TRIM2: variants seen among roughly 807,000 people sequenced by gnomAD.
The protein encoded by TRIM2 is tripartite motif-containing protein 2.
Under a neutral mutation model 75.2 loss-of-function variants are expected in TRIM2, and 20 were observed. The observed-to-expected ratio is 0.27, with a 90% CI of 0.19 to 0.39. The LOEUF is 0.39. Among genes scored for constraint, TRIM2 ranks in the 10% least tolerant of loss-of-function variants. The probability of loss-of-function intolerance (pLI) is 1.00; values close to 1 mark genes in which losing one functional copy is unlikely to be tolerated. For missense variants in TRIM2, 660 were observed against 990.8 expected (o/e 0.67, Z 4.48); for synonymous variants, 373 against 388.3 (o/e 0.96, Z 0.46).
chr4:153,187,673 G>C (rs1395945975), intron 1 of TRIM2, among the ~76,000 whole-genome samples: 3 of 152,162 alleles, frequency 2.0e-5, no homozygotes, highest in Non-Finnish European at 4.4e-5. Context: ...ACAGAGCCTC[G>C]CCCAGGTGGG....
intron 3 of TRIM2, among the ~76,000 whole-genome samples, chr4:153,278,060 A>G (rs910438000): frequency 6.6e-6 from 1 of 152,184 alleles, no homozygotes; most frequent in African/African-American, 2.4e-5. Flanking sequence ...ATAGAGGAGT[A>G]AAGTCTTAGA....
At chr4:153,296,251 C>A (rs1412037212) in intron 6 of TRIM2, among the ~76,000 whole-genome samples, 6 of 152,190 alleles carry the variant, frequency 3.9e-5, no homozygotes, top group Non-Finnish European at 7.4e-5. Context: ...AGTCTCCTCC[C>A]TACTCCCTCC....
intron 1 of TRIM2, among the ~76,000 whole-genome samples, chr4:153,241,056 G>A (rs1442608226): frequency 6.6e-6 from 1 of 152,202 alleles, no homozygotes; most frequent in Admixed American, 6.5e-5. Context: ...CAGCCTGAGT[G>A]ACAGAGCGAG....
intron 1 of TRIM2, among the ~76,000 whole-genome samples, chr4:153,263,182 A>G (rs1181442515): frequency 6.6e-6 from 1 of 152,172 alleles, no homozygotes; most frequent in Non-Finnish European, 1.5e-5. Flanking sequence ...TACAAAAATT[A>G]GCTGGGTGTG....
At chr4:153,190,357 A>C (rs1424302189) in intron 1 of TRIM2, among the ~76,000 whole-genome samples, 1 of 152,242 alleles carries the variant, frequency 6.6e-6, no homozygotes, top group Admixed American at 6.5e-5. Context: ...AGTGCCATTC[A>C]TTACAGTAAG....
intron 1 of TRIM2, among the ~76,000 whole-genome samples, chr4:153,180,675 G>A (rs1387592561): frequency 6.6e-6 from 1 of 152,052 alleles, no homozygotes; most frequent in Admixed American, 6.6e-5. Flanking sequence ...AGGGTGTTTC[G>A]CCATGTTGGC....
Position 153,197,435 on chromosome 4 carries a change from G to A in TRIM2, c.-49+44165G>A, listed in dbSNP as rs1733890873. ...GCTCCCCTCTTTATCAAGCCATGCT[G>A]CCTGTGCATCTGCTATGGACTCGAT... On this transcript the variant is annotated intron_variant, in intron 1 of 11. Transcript: ENST00000437508. 2.6e-5 allele frequency among the ~76,000 whole-genome samples: 4 copies of A among 152,300 alleles called. No homozygotes were observed. In the South Asian group the frequency reaches 8.3e-4, roughly 32 times the overall value.
intron 4 of TRIM2, 78 bp downstream of exon 4, chr4:153,293,211 A>G: frequency 7.1e-7 from 1 of 1,405,510 alleles, no homozygotes; most frequent in Non-Finnish European, 9.6e-7. Flanking sequence ...TCTAGGTACA[A>G]GAGTAGGTTC....
At chr4:153,272,252 C>T (rs1756884974) in intron 2 of TRIM2, among the ~76,000 whole-genome samples, 1 of 151,822 alleles carries the variant, frequency 6.6e-6, no homozygotes, top group Admixed American at 6.6e-5. Context: ...GGATTCACGC[C>T]ATTCTCCTGC....
In TRIM2 at chr4:153,293,517, C is replaced by T. The variant is rs544440285; in HGVS notation, c.605+384C>T. ...AGGCCATTTTGTTGGCTGTGATTGG[C>T]TCCTTTCTGTCTGAGCTCTGCAAAA... On this transcript the variant is annotated intron_variant, in intron 4 of 11. Coordinates refer to ENST00000338700, the MANE Select transcript of TRIM2 (RefSeq NM_015271.5). 5.9e-5 allele frequency among the ~76,000 whole-genome samples: 9 copies of T among 152,332 alleles called. No homozygotes were observed. In the East Asian group the frequency reaches 1.5e-3, roughly 26 times the overall value.
intron 1 of TRIM2, among the ~76,000 whole-genome samples, chr4:153,227,325 A>G: frequency 6.6e-6 from 1 of 152,208 alleles, no homozygotes; most frequent in East Asian, 1.9e-4. Context: ...AGACAATTCA[A>G]CAGTGGCCCT....
chr4:153,272,606 C>T (rs1756980577), intron 2 of TRIM2, among the ~76,000 whole-genome samples: 1 of 152,068 alleles, frequency 6.6e-6, no homozygotes, highest in African/African-American at 2.4e-5. Flanking sequence ...CCCACCTCAA[C>T]TTCTTGAGTA....
intron 10 of TRIM2, among the ~76,000 whole-genome samples, chr4:153,327,427 T>G (rs2149578772): frequency 6.6e-6 from 1 of 152,302 alleles, no homozygotes; most frequent in South Asian, 2.1e-4. Context: ...CAAATGAAGA[T>G]CTGTACTCAA....
rs1772307556 is a variant in TRIM2, at chr4:153,335,155, G to T, written c.*189G>T. On this transcript the variant is annotated 3_prime_UTR_variant, in exon 12 of 12. Coordinates refer to ENST00000338700, the MANE Select transcript of TRIM2 (RefSeq NM_015271.5). The stretch of plus-strand genomic sequence containing the variant: ...TCCAATTTCTGTATTTCACCTTTAG[G>T]GTTAAAAAAAACTCTTCTACTGAAT... The T allele has an allele frequency of 7.9e-7, 1 of 1,263,578 alleles. No individual in the cohort carries two copies. The highest frequency in any genetic ancestry group is 1.0e-6 in the Non-Finnish European group (1 of 1,003,256). The allele number at this position is 1,263,578 out of a possible 1,614,324, so 78.3% of individuals were successfully genotyped here.
chr4:153,326,354 T>TA (rs1297983795), intron 10 of TRIM2, among the ~76,000 whole-genome samples: 1 of 152,234 alleles, frequency 6.6e-6, no homozygotes, highest in African/African-American at 2.4e-5. Flanking sequence ...CTTCTTGTTT[T>TA]AAAAAACCAT....
intron 6 of TRIM2, among the ~76,000 whole-genome samples, chr4:153,303,838 A>G (rs1208796896): frequency 6.6e-6 from 1 of 152,146 alleles, no homozygotes; most frequent in Non-Finnish European, 1.5e-5. Context: ...TTTTGGGGTA[A>G]TTTCAACTCA....
chr4:153,187,593 G>A (rs1284112754), intron 1 of TRIM2, among the ~76,000 whole-genome samples: 1 of 152,200 alleles, frequency 6.6e-6, no homozygotes, highest in East Asian at 1.9e-4. Context: ...TACCCCAGCT[G>A]TTGGGGCAAG....
intron 3 of TRIM2, among the ~76,000 whole-genome samples, chr4:153,276,774 C>T (rs1166996000): frequency 6.6e-6 from 1 of 152,166 alleles, no homozygotes; most frequent in Non-Finnish European, 1.5e-5. Context: ...GATTCAAATC[C>T]TGCTCTTAAA....
chr4:153,322,578 C>A, intron 8 of TRIM2, 70 bp from the exon 9 acceptor site: 2 of 1,520,934 alleles, frequency 1.3e-6, no homozygotes, highest in Non-Finnish European at 1.8e-6. Flanking sequence ...CAGTGTTTAT[C>A]TTCATGTTCT....
Sources: allele counts gnomAD v4.1 joint callset (sites outside exome capture counted in the v4.1 genomes callset), GRCh38; gene constraint gnomAD v4.1.1; transcripts MANE v1.5; gene names NCBI Gene and HGNC (gene_info 2026-07-23, HGNC 2026-07-21).